The following PTPN14 variants were observed in gnomAD, a reference collection of about 807,000 sequenced individuals.
The protein encoded by PTPN14 is tyrosine-protein phosphatase non-receptor type 14.
Under a neutral mutation model 126.8 loss-of-function variants are expected in PTPN14, and 53 were observed. That is an observed-to-expected ratio of 0.42 (90% CI 0.34 to 0.53). The LOEUF is 0.53. PTPN14 is among the 20% of genes least tolerant of loss of function. The pLI, the probability that PTPN14 is intolerant of heterozygous loss-of-function variation, is 0.08. For missense variants in PTPN14, 1,257 were observed against 1,552.9 expected (o/e 0.81, Z 3.20); for synonymous variants, 630 against 599.3 (o/e 1.05, Z -0.75).
chr1:214,394,392 T>C (rs1163597286), intron 9 of PTPN14, among the ~76,000 whole-genome samples: 3 of 152,156 alleles, frequency 2.0e-5, no homozygotes, highest in African/African-American at 4.8e-5. Flanking sequence ...CTTGGAAACC[T>C]GGTATTTTAT....
intron 4 of PTPN14, among the ~76,000 whole-genome samples, chr1:214,413,958 C>A (rs1240561878): frequency 6.6e-6 from 1 of 151,188 alleles, no homozygotes; most frequent in Non-Finnish European, 1.5e-5. Context: ...CATGAGCCAC[C>A]GCGCTGGCCT....
chr1:214,476,050 C>CTGTG (rs1660859889), intron 1 of PTPN14, among the ~76,000 whole-genome samples: 7 of 152,206 alleles, frequency 4.6e-5, no homozygotes, highest in Non-Finnish European at 7.3e-5. Context: ...GGACATTACT[C>CTGTG]AGACATGGTG....
At chr1:214,382,150 C>T (rs930962156) in intron 13 of PTPN14, among the ~76,000 whole-genome samples, 10 of 152,170 alleles carry the variant, frequency 6.6e-5, no homozygotes, top group African/African-American at 2.4e-4. Flanking sequence ...ATCTGCCCAC[C>T]TCGGCCTCCC....
intron 1 of PTPN14, among the ~76,000 whole-genome samples, chr1:214,471,983 T>C (rs1454762538): frequency 6.6e-6 from 1 of 152,056 alleles, no homozygotes; most frequent in East Asian, 1.9e-4. Flanking sequence ...TATCACAGAG[T>C]CTCTCATCCT....
At chr1:214,382,064 G>A (rs1285498022) in intron 13 of PTPN14, among the ~76,000 whole-genome samples, 9 of 152,094 alleles carry the variant, frequency 5.9e-5, no homozygotes, top group African/African-American at 1.7e-4. Context: ...CACCACACAC[G>A]GCTAATTTTT....
At chr1:214,433,016 G>A (rs1016000034) in intron 3 of PTPN14, among the ~76,000 whole-genome samples, 15 of 152,084 alleles carry the variant, frequency 9.9e-5, no homozygotes, top group African/African-American at 7.2e-5. Flanking sequence ...CCATTCTCCT[G>A]CCTCAGCCTC....
chr1:214,487,665 A>G (rs1038181394), intron 1 of PTPN14, among the ~76,000 whole-genome samples: 1 of 151,962 alleles, frequency 6.6e-6, no homozygotes, highest in Non-Finnish European at 1.5e-5. Context: ...ACATCCAATT[A>G]GAAGAGCAAC....
chr1:214,398,262 C>A (rs1658932712), intron 7 of PTPN14, among the ~76,000 whole-genome samples: 1 of 152,126 alleles, frequency 6.6e-6, no homozygotes, highest in Admixed American at 6.6e-5. Flanking sequence ...CGTGTTCTCA[C>A]TTACACATGG....
chr1:214,534,407 T>C (rs1655644885), intron 1 of PTPN14, among the ~76,000 whole-genome samples: 1 of 152,148 alleles, frequency 6.6e-6, no homozygotes, highest in Non-Finnish European at 1.5e-5. Flanking sequence ...AAATAACCAA[T>C]CGTGGTATAA....
intron 1 of PTPN14, chr1:214,483,462 T>G: frequency 1.0e-6 from 1 of 954,886 alleles, no homozygotes; most frequent in Non-Finnish European, 1.6e-6. Context: ...CTAGTAATCT[T>G]GCCTGCGACC....
chr1:214,362,295 G>A (rs1426290505), intron 18 of PTPN14, among the ~76,000 whole-genome samples: 5 of 152,222 alleles, frequency 3.3e-5, no homozygotes, highest in African/African-American at 1.2e-4. Context: ...GCTAGGGGAA[G>A]AGAAGTGAAA....
At chr1:214,515,847 G>A (rs1655087925) in intron 1 of PTPN14, among the ~76,000 whole-genome samples, 1 of 152,080 alleles carries the variant, frequency 6.6e-6, no homozygotes, top group Non-Finnish European at 1.5e-5. Flanking sequence ...CCATAAAAGG[G>A]ATTTTCCTTT....
intron 2 of PTPN14, among the ~76,000 whole-genome samples, chr1:214,456,735 C>A (rs1660391894): frequency 6.6e-6 from 1 of 152,084 alleles, no homozygotes; most frequent in African/African-American, 2.4e-5. Context: ...GAATAGTTCA[C>A]CCACAATCTC....
chr1:214,357,798 C>G lies in PTPN14; in HGVS notation c.*124G>C. 2.8e-6 allele frequency: 2 copies of G among 705,798 alleles called. No homozygotes were observed. The highest frequency in any genetic ancestry group is 4.8e-6 in the Non-Finnish European group (2 of 417,958). The allele number at this position is 705,798 out of a possible 1,614,324, so 43.7% of individuals were successfully genotyped here. ...ATGTGTGAATAATCTTGGCTACTGT[C>G]TTCAGAGAGCCTGTTTGCTGCCAGC... On this transcript the variant is annotated 3_prime_UTR_variant, in exon 19 of 19. Coordinates refer to ENST00000366956, the MANE Select transcript of PTPN14 (RefSeq NM_005401.5).
intron 18 of PTPN14, among the ~76,000 whole-genome samples, chr1:214,358,483 G>T (rs1261370010): frequency 6.6e-6 from 1 of 152,052 alleles, no homozygotes; most frequent in Non-Finnish European, 1.5e-5. Flanking sequence ...CATAAAGGCT[G>T]GAGTTAGACC....
At chr1:214,432,470 G>A (rs1017043601) in intron 3 of PTPN14, among the ~76,000 whole-genome samples, 1 of 152,198 alleles carries the variant, frequency 6.6e-6, no homozygotes, top group African/African-American at 2.4e-5. Flanking sequence ...GTACATTCAT[G>A]AGAGCCTGTG....
At chr1:214,466,006 G>C (rs1234100035) in intron 1 of PTPN14, among the ~76,000 whole-genome samples, 1 of 112,878 alleles carries the variant, frequency 8.9e-6, no homozygotes, top group Non-Finnish European at 1.7e-5. Context: ...GCCCAGGCTG[G>C]AGTGCAGTGG....
chr1:214,463,566 T>C (rs1206915261), intron 2 of PTPN14, among the ~76,000 whole-genome samples: 1 of 152,102 alleles, frequency 6.6e-6, no homozygotes, highest in Non-Finnish European at 1.5e-5. Flanking sequence ...GGAAGACGTC[T>C]TTAGAAGGGA....
At chr1:214,378,430 A>G (rs1658395598) in intron 13 of PTPN14, among the ~76,000 whole-genome samples, 1 of 152,264 alleles carries the variant, frequency 6.6e-6, no homozygotes, top group Admixed American at 6.5e-5. Flanking sequence ...CACTTTAGAA[A>G]GGTAAAGATG....
Sources: allele counts gnomAD v4.1 joint callset (sites outside exome capture counted in the v4.1 genomes callset), GRCh38; gene constraint gnomAD v4.1.1; transcripts MANE v1.5; gene names NCBI Gene and HGNC (gene_info 2026-07-23, HGNC 2026-07-21).